MACROD2: variants seen among roughly 807,000 people sequenced by gnomAD.
The protein encoded by MACROD2 is ADP-ribose glycohydrolase MACROD2.
A neutral mutation model predicts 70.4 loss-of-function variants in MACROD2; 36 were observed. The observed-to-expected ratio is 0.51, with a 90% CI of 0.39 to 0.68. The LOEUF (loss-of-function observed/expected upper bound fraction) is 0.68, where lower values mean the gene tolerates loss of function less well. Among genes scored for constraint, MACROD2 ranks in the 30% least tolerant of loss-of-function variants. The probability of loss-of-function intolerance (pLI) is 0.00; values close to 1 mark genes in which losing one functional copy is unlikely to be tolerated. For missense variants in MACROD2, 496 were observed against 538.4 expected, an observed-to-expected ratio of 0.92 and a Z score of 0.78; for synonymous variants, 172 against 178.8, an observed-to-expected ratio of 0.96 and a Z score of 0.30.
intron 4 of MACROD2, among the ~76,000 whole-genome samples, chr20:14,505,991 C>T (rs959395176): frequency 1.6e-4 from 25 of 152,160 alleles, no homozygotes; most frequent in African/African-American, 6.0e-4. Context: ...CTATGGCAAC[C>T]TTGCTCCCAC....
At chr20:14,636,327 G>A (rs1367349726) in intron 4 of MACROD2, 2 of 152,140 alleles carry the variant, frequency 1.3e-5, no homozygotes, top group Non-Finnish European at 2.9e-5. Flanking sequence ...ATGAAATGAA[G>A]TTAAATTCCT....
chr20:14,609,870 G>T (rs1983048936), intron 4 of MACROD2, among the ~76,000 whole-genome samples: 1 of 152,056 alleles, frequency 6.6e-6, no homozygotes, highest in Admixed American at 6.6e-5. Context: ...AAAATCCCAA[G>T]AATCAGTATT....
rs186150156 is a variant in MACROD2 at position 14,319,535 on chromosome 20, A to T, written c.272-173944A>T. Among the ~76,000 whole-genome samples, 13 of 152,078 alleles carry T rather than the reference A, an allele frequency of 8.5e-5. No homozygotes were observed. The East Asian group carries it at 2.5e-3, about 29-fold the overall frequency. ...CTTAACTTCTTGAAAGAGTAGTCTT[A>T]ATCATTGTTTCTGTTTTCTTTATCT... On this transcript the variant is annotated intron_variant, in intron 3 of 17. Coordinates refer to ENST00000684519, the MANE Select transcript of MACROD2 (RefSeq NM_001351661.2).
intron 15 of MACROD2, among the ~76,000 whole-genome samples, chr20:16,011,624 G>A (rs539609253): frequency 2.0e-5 from 3 of 147,430 alleles, no homozygotes; most frequent in African/African-American, 7.6e-5. Flanking sequence ...CAGCTCAAGC[G>A]CAAGCCCGAG....
Position 14,326,394 on chromosome 20 carries a change from G to A in MACROD2, c.272-167085G>A, listed in dbSNP as rs748572291. On this transcript the variant is annotated intron_variant, in intron 3 of 17. Transcript: ENST00000684519. The surrounding 1 kb of genome is among the most constrained non-coding windows in gnomAD (Gnocchi z 5.5). ...GTCCTTGGGCAGGATACACTGTGTT[G>A]GGTATTGCAGTGGTTATCTGAATGG... 5.0e-6 allele frequency: 8 copies of A among 1,613,850 alleles called. No homozygotes were observed. Among genetic ancestry groups the A allele is most frequent in the Non-Finnish European group, 6.8e-6 (8 of 1,179,842 alleles).
At chr20:14,590,617 C>G (rs1014521460) in intron 4 of MACROD2, among the ~76,000 whole-genome samples, 1 of 152,112 alleles carries the variant, frequency 6.6e-6, no homozygotes, top group African/African-American at 2.4e-5. Context: ...GGTCATGTTA[C>G]TATTTTTCCC....
intron 5 of MACROD2, among the ~76,000 whole-genome samples, chr20:14,819,173 G>A (rs2072810466): frequency 6.6e-6 from 1 of 151,854 alleles, no homozygotes; most frequent in Non-Finnish European, 1.5e-5. Flanking sequence ...AGCTGAAGCA[G>A]TAGAATCACT....
intron 8 of MACROD2, among the ~76,000 whole-genome samples, chr20:15,752,705 T>C (rs948417765): frequency 4.6e-5 from 7 of 152,188 alleles, no homozygotes; most frequent in Non-Finnish European, 8.8e-5. Flanking sequence ...TGATGTGATA[T>C]TCCATTTCGC....
Position 15,064,659 on chromosome 20 carries a change from A to C in MACROD2, c.419-165281A>C, listed in dbSNP as rs187045341. 4.5e-3 allele frequency among the ~76,000 whole-genome samples: 692 copies of C among 152,132 alleles called. 6 individuals carry two copies. The highest frequency in any genetic ancestry group is 0.016 in the African/African-American group (675 of 41,500). ...TAGCCACTCCACGCATAGCAATCTC[A>C]ACCTCCCGCTCCACTCAGGCAAATG... On this transcript the variant is annotated intron_variant, in intron 5 of 17. Transcript: ENST00000684519.
intron 8 of MACROD2, among the ~76,000 whole-genome samples, chr20:15,707,148 T>C (rs1303420321): frequency 6.6e-6 from 1 of 152,206 alleles, no homozygotes; most frequent in African/African-American, 2.4e-5. Flanking sequence ...GTAAATTACA[T>C]GAAAACATCA....
At chr20:14,582,162 C>T (rs992350057) in intron 4 of MACROD2, among the ~76,000 whole-genome samples, 1 of 152,082 alleles carries the variant, frequency 6.6e-6, no homozygotes, top group Admixed American at 6.6e-5. Context: ...TCAAGCTCTG[C>T]TTTTTTATTT....
At chr20:14,345,263 T>C (rs1477293682) in intron 3 of MACROD2, among the ~76,000 whole-genome samples, 1 of 151,936 alleles carries the variant, frequency 6.6e-6, no homozygotes, top group Non-Finnish European at 1.5e-5. Flanking sequence ...CTCATTATTA[T>C]TGTCATTGTT....
intron 6 of MACROD2, among the ~76,000 whole-genome samples, chr20:15,284,061 A>G (rs1378891943): frequency 6.6e-6 from 1 of 152,174 alleles, no homozygotes. Flanking sequence ...TACAACACTG[A>G]AAATTTAATA....
At chr20:14,502,549 A>G (rs1870383991) in intron 4 of MACROD2, among the ~76,000 whole-genome samples, 1 of 152,222 alleles carries the variant, frequency 6.6e-6, no homozygotes, top group African/African-American at 2.4e-5. Context: ...TAACTACTTT[A>G]CAGGTGTGGA....
At chr20:15,752,757 A>G (rs1242033355) in intron 8 of MACROD2, among the ~76,000 whole-genome samples, 1 of 152,226 alleles carries the variant, frequency 6.6e-6, no homozygotes, top group African/African-American at 2.4e-5. Flanking sequence ...CTCTCCCAGG[A>G]AGCTCATCTA....
intron 3 of MACROD2, among the ~76,000 whole-genome samples, chr20:14,304,278 GT>G: frequency 6.6e-6 from 1 of 152,064 alleles, no homozygotes; most frequent in Admixed American, 6.5e-5. Context: ...TATTCCAAAC[GT>G]GTTCTGCCCA....
intron 7 of MACROD2, among the ~76,000 whole-genome samples, chr20:15,488,925 C>A (rs2047194488): frequency 6.6e-6 from 1 of 152,164 alleles, no homozygotes; most frequent in Admixed American, 6.5e-5. Context: ...AACCATTTCT[C>A]CAGTCATTAT....
At chr20:15,235,320 G>A (rs2077004301) in intron 6 of MACROD2, among the ~76,000 whole-genome samples, 1 of 152,128 alleles carries the variant, frequency 6.6e-6, no homozygotes, top group African/African-American at 2.4e-5. Context: ...TTGTTTAAGT[G>A]GTGTATGCTA....
intron 5 of MACROD2, among the ~76,000 whole-genome samples, chr20:15,022,094 C>A (rs1227651706): frequency 6.6e-6 from 1 of 152,128 alleles, no homozygotes; most frequent in Admixed American, 6.6e-5. Flanking sequence ...ATAACTGTTG[C>A]ATTATGTAAT....
Sources: gnomAD v4.1 joint callset for allele counts (sites outside exome capture counted in the v4.1 genomes callset) on GRCh38, gnomAD v4.1.1 for gene constraint, Gnocchi (gnomAD v3.1) non-coding constraint, MANE v1.5 for transcripts, NCBI Gene and HGNC (gene_info 2026-07-23, HGNC 2026-07-21) for gene names.